The following DPY19L1 variants were observed in gnomAD, a reference collection of about 807,000 sequenced individuals.
The protein encoded by DPY19L1 is dpy-19 like C-mannosyltransferase 1, also known as protein C-mannosyl-transferase DPY19L1.
Under a neutral mutation model 96.9 loss-of-function variants are expected in DPY19L1, and 35 were observed. That is an observed-to-expected ratio of 0.36 (90% CI 0.28 to 0.48). DPY19L1 has a LOEUF of 0.48. Ranked by LOEUF, DPY19L1 falls within the 20% of genes least tolerant of loss-of-function variation. DPY19L1 has a pLI of 0.99. For synonymous variants in DPY19L1, 205 were observed against 252.6 expected, an observed-to-expected ratio of 0.81 and a Z score of 1.79; for missense variants, 521 against 777.9, an observed-to-expected ratio of 0.67 and a Z score of 3.93.
chr7:34,943,231 T>G (rs1249478048), intron 16 of DPY19L1, among the ~76,000 whole-genome samples: 1 of 152,230 alleles, frequency 6.6e-6, no homozygotes, highest in African/African-American at 2.4e-5. Context: ...AAGACTGATA[T>G]ATTAGCAAAC....
At chr7:34,984,477 G>A (rs1785006369) in intron 7 of DPY19L1, among the ~76,000 whole-genome samples, 1 of 152,202 alleles carries the variant, frequency 6.6e-6, no homozygotes, top group African/African-American at 2.4e-5. Context: ...AGTGACGTGA[G>A]ACAAAATCAG....
intron 11 of DPY19L1, among the ~76,000 whole-genome samples, chr7:34,957,108 C>T (rs1266583210): frequency 6.6e-6 from 1 of 151,842 alleles, no homozygotes; most frequent in African/African-American, 2.4e-5. Flanking sequence ...GCCAGCCGGG[C>T]ATGGTGGCTC....
At chr7:35,028,760 T>A (rs1232393060) in intron 1 of DPY19L1, among the ~76,000 whole-genome samples, 1 of 152,208 alleles carries the variant, frequency 6.6e-6, no homozygotes, top group African/African-American at 2.4e-5. Context: ...TATTTTTTGA[T>A]TATATGCTAA....
rs140715916 is a variant in DPY19L1, at chr7:34,934,687, T to C, written c.2091-2958A>G. Reference sequence around the variant, plus strand: ...TCACCTCAGATCATCAGGCATTAGATTCTCATAAGGAGCACGTACCCTAGA... The same window carrying C: ...TCACCTCAGATCATCAGGCATTAGACTCTCATAAGGAGCACGTACCCTAGA... On this transcript the variant is annotated intron_variant, in intron 21 of 21. Coordinates refer to ENST00000638088, the MANE Select transcript of DPY19L1 (RefSeq NM_001366673.1). 1.8e-3 allele frequency among the ~76,000 whole-genome samples: 270 copies of C among 152,274 alleles called. 2 individuals are homozygous for C. Among genetic ancestry groups the C allele is most frequent in the African/African-American group, 6.1e-3 (253 of 41,556 alleles).
chr7:35,020,714 AT>A (rs1785975809), intron 1 of DPY19L1, among the ~76,000 whole-genome samples: 1 of 151,880 alleles, frequency 6.6e-6, no homozygotes. Context: ...ATTTTATTGC[AT>A]TTTATTTTAT....
At chr7:35,010,174 G>A (rs536508707) in intron 6 of DPY19L1, among the ~76,000 whole-genome samples, 1 of 152,180 alleles carries the variant, frequency 6.6e-6, no homozygotes, top group African/African-American at 2.4e-5. Context: ...AGGTTGCAGT[G>A]AGCAGAGATC....
At chr7:35,035,402 A>G (rs536391992) in intron 1 of DPY19L1, among the ~76,000 whole-genome samples, 361 of 152,360 alleles carry the variant, frequency 2.4e-3, no homozygotes, top group Non-Finnish European at 4.3e-3. Flanking sequence ...CCATCCAAAG[A>G]AGATTCAAAG....
At chr7:34,984,268 C>T (rs1025759058) in intron 7 of DPY19L1, among the ~76,000 whole-genome samples, 6 of 152,070 alleles carry the variant, frequency 3.9e-5, no homozygotes, top group African/African-American at 1.4e-4. Context: ...CATTGAGATG[C>T]AAACTGAAAT....
At chr7:34,966,704 T>A (rs190022405) in intron 10 of DPY19L1, among the ~76,000 whole-genome samples, 190 bp downstream of exon 10, 47 of 152,368 alleles carry the variant, frequency 3.1e-4, no homozygotes, top group African/African-American at 1.1e-3. Flanking sequence ...TTCAATCAGA[T>A]AATATGACCC....
chr7:34,949,175 T>C (rs1211322944), intron 14 of DPY19L1, among the ~76,000 whole-genome samples: 2 of 152,226 alleles, frequency 1.3e-5, no homozygotes, highest in East Asian at 3.8e-4. Flanking sequence ...ATTTTATTTA[T>C]TTAAATATTT....
Position 34,949,858 on chromosome 7 carries a change from T to C in DPY19L1, c.1361A>G (p.Tyr454Cys). ...ATACAATAAAGTATCAAAATCCTTA[T>C]AACTAAAGAATTTTGATGTTAGTAA... ...GNLLTSKFFS[Y>C]KDFDTLLYTC... Residue 454 changes from tyrosine (Y) to cysteine (C), a missense_variant, in exon 14 of 22, where the codon TAT becomes TGT. Physicochemically the swap from Tyr to Cys is radical, Grantham distance 194. Transcript: ENST00000638088. 1.2e-6 allele frequency: 2 copies of C among 1,601,440 alleles called. No homozygotes were observed. Among genetic ancestry groups the C allele is most frequent in the Non-Finnish European group, 1.7e-6 (2 of 1,175,162 alleles).
intron 1 of DPY19L1, among the ~76,000 whole-genome samples, chr7:35,035,006 G>A (rs1786353973): frequency 6.6e-6 from 1 of 152,196 alleles, no homozygotes; most frequent in Non-Finnish European, 1.5e-5. Flanking sequence ...GGATCTGAGT[G>A]GTTTTTTGAC....
At chr7:34,972,733 T>A (rs1669456924) in intron 8 of DPY19L1, among the ~76,000 whole-genome samples, 1 of 152,196 alleles carries the variant, frequency 6.6e-6, no homozygotes, top group South Asian at 2.1e-4. Context: ...AAAGAAGTTT[T>A]AAACCCTATA....
intron 15 of DPY19L1, among the ~76,000 whole-genome samples, chr7:34,946,605 C>A (rs891817178): frequency 3.3e-5 from 5 of 152,166 alleles, no homozygotes; most frequent in African/African-American, 1.2e-4. Context: ...TACAAAAGTG[C>A]AAAGCACACA....
At chr7:35,023,495 A>G (rs546885780) in intron 1 of DPY19L1, among the ~76,000 whole-genome samples, 7 of 152,348 alleles carry the variant, frequency 4.6e-5, no homozygotes, top group Middle Eastern at 6.8e-3. Context: ...GTTCCCATCC[A>G]GAAGTTAAAA....
chr7:34,963,625 GCGTGTGTGCACA>G (rs1446102456), intron 10 of DPY19L1, among the ~76,000 whole-genome samples: 2 of 152,104 alleles, frequency 1.3e-5, no homozygotes, highest in Non-Finnish European at 2.9e-5. Flanking sequence ...GTGTGTGTGT[GCGTGTGTGCACA>G]CGTGTGTACA....
At chr7:34,956,555 G>T (rs1784384156) in intron 11 of DPY19L1, among the ~76,000 whole-genome samples, 1 of 150,708 alleles carries the variant, frequency 6.6e-6, no homozygotes, top group Non-Finnish European at 1.5e-5. Flanking sequence ...TGCCCATGCT[G>T]GAGTGTAGTG....
In DPY19L1 at chr7:34,931,312, T is replaced by G. The variant is rs574954973; in HGVS notation, c.*261A>C. 2.6e-4 allele frequency: 76 copies of G among 293,094 alleles called. No homozygotes were observed. Among genetic ancestry groups the G allele is most frequent in the Non-Finnish European group, 4.1e-4 (67 of 164,732 alleles). 18.2% of individuals were successfully genotyped at this position (293,094 alleles called of 1,614,324 possible). A position where few individuals can be genotyped will look rare whatever the true frequency, so the allele number is the denominator to read the frequency against. On this transcript the variant is annotated 3_prime_UTR_variant, in exon 22 of 22. Coordinates refer to ENST00000638088, the MANE Select transcript of DPY19L1 (RefSeq NM_001366673.1). ...CTTTATACAGGTAGCTTTGCTCACT[T>G]TAGCACAAATATTAAAGTCAAGTAC...
At chr7:34,996,820 T>A (rs1170128817) in intron 6 of DPY19L1, among the ~76,000 whole-genome samples, 3 of 152,194 alleles carry the variant, frequency 2.0e-5, no homozygotes, top group Admixed American at 6.5e-5. Flanking sequence ...ACCCACACTC[T>A]GCTCTCCAGC....
Sources: allele counts gnomAD v4.1 joint callset (sites outside exome capture counted in the v4.1 genomes callset), GRCh38; gene constraint gnomAD v4.1.1; transcripts MANE v1.5; gene names NCBI Gene and HGNC (gene_info 2026-07-23, HGNC 2026-07-21).